Variants in HMCN1 observed in about 807,000 individuals in gnomAD.
The protein encoded by HMCN1 is hemicentin 1.
In HMCN1, 321 loss-of-function variants were observed where a neutral mutation model predicts 625.9. The observed-to-expected ratio is 0.51, with a 90% confidence interval of 0.47 to 0.56. The LOEUF (loss-of-function observed/expected upper bound fraction) is 0.56, where lower values mean the gene tolerates loss of function less well. Among genes scored for constraint, HMCN1 ranks in the 20% least tolerant of loss-of-function variants. The pLI is 0.00. For missense variants in HMCN1, 6,588 were observed against 6,887.3 expected (o/e 0.96, Z 1.54); for synonymous variants, 2,425 against 2,417.6 (o/e 1.00, Z -0.09).
Position 186,061,972 on chromosome 1 carries a change from T to C in HMCN1, c.7426+8T>C, listed in dbSNP as rs761479714. 16 of 1,541,916 alleles carry C rather than the reference T, an allele frequency of 1.0e-5. No homozygotes were observed. Among genetic ancestry groups the C allele is most frequent in the South Asian group, 5.6e-5 (5 of 89,190 alleles). ...TTGGGCTTTCAGTATTAGGTACTTA[T>C]ATAGTTTGCAATATCTAGAAGAAAC... is the stretch of plus-strand genomic sequence containing the variant. On this transcript the variant is annotated splice_region_variant and intron_variant, in intron 47 of 106. Coordinates refer to ENST00000271588, the MANE Select transcript of HMCN1 (RefSeq NM_031935.3).
intron 70 of HMCN1, among the ~76,000 whole-genome samples, chr1:186,107,514 A>G (rs1660665445): frequency 6.6e-6 from 1 of 152,230 alleles, no homozygotes; most frequent in Admixed American, 6.5e-5. Context: ...GCATGTTTAT[A>G]TAGTGTACCT....
At chr1:185,882,221 A>G (rs1219992321) in intron 4 of HMCN1, among the ~76,000 whole-genome samples, 2 of 152,186 alleles carry the variant, frequency 1.3e-5, no homozygotes. Context: ...GACTTTACAG[A>G]TACTCATTGA....
chr1:186,049,850 C>CT (rs1656830103), intron 42 of HMCN1, among the ~76,000 whole-genome samples: 1 of 151,928 alleles, frequency 6.6e-6, no homozygotes, highest in South Asian at 2.1e-4. Context: ...TGAGTATCAT[C>CT]TTTTAAAAAT....
At chr1:185,803,136 C>T (rs985714133) in intron 1 of HMCN1, among the ~76,000 whole-genome samples, 5 of 78,888 alleles carry the variant, frequency 6.3e-5, no homozygotes, top group Admixed American at 5.7e-4. Flanking sequence ...ATAACCTTCA[C>T]AGAAGAAAAA....
At chr1:186,086,556 T>C in intron 58 of HMCN1, 149 bp downstream of exon 58, 1 of 784,666 alleles carries the variant, frequency 1.3e-6, no homozygotes, top group East Asian at 2.7e-5. Context: ...TTGTGGTCAT[T>C]AAGGTAAGAT....
At chr1:186,134,054 A>G (rs961692633) in intron 86 of HMCN1, among the ~76,000 whole-genome samples, 7 of 152,180 alleles carry the variant, frequency 4.6e-5, no homozygotes, top group Non-Finnish European at 1.0e-4. Context: ...AAAAAGCTAC[A>G]TTAGAGCAGC....
Position 185,975,766 on chromosome 1 carries a change from A to T in HMCN1, c.2372-2021A>T, listed in dbSNP as rs566248595. On this transcript the variant is annotated intron_variant, in intron 15 of 106. Transcript: ENST00000271588. ...TTTATTTATAAAAATATATTGTTCA[A>T]TTGTGGTATTTAACCTAATTTAATT... Among the ~76,000 whole-genome samples, 5 of 152,272 alleles carry T rather than the reference A, an allele frequency of 3.3e-5. No homozygotes were observed. In the South Asian group the frequency reaches 1.0e-3, roughly 32 times the overall value.
At chr1:186,160,153 G>A (rs1037412149) in intron 97 of HMCN1, among the ~76,000 whole-genome samples, 2 of 151,356 alleles carry the variant, frequency 1.3e-5, no homozygotes, top group South Asian at 2.1e-4. Flanking sequence ...TCTTGGGAGA[G>A]TGTATGTGTC....
At chr1:185,903,425 G>A (rs1280840930) in intron 4 of HMCN1, among the ~76,000 whole-genome samples, 1 of 151,486 alleles carries the variant, frequency 6.6e-6, no homozygotes, top group East Asian at 1.9e-4. Context: ...TATATAAACT[G>A]AGTAAAATTT....
At position 186,016,243 on chromosome 1, in the gene HMCN1, A is replaced by G. The variant is rs1479029316; in HGVS notation, c.5191+4A>G. The G allele has an allele frequency of 6.2e-7, 1 of 1,611,264 alleles. No homozygotes were observed. Among genetic ancestry groups the G allele is most frequent in the Non-Finnish European group, 8.5e-7 (1 of 1,177,726 alleles). On this transcript the variant is annotated splice_donor_region_variant and intron_variant, in intron 32 of 106. Coordinates refer to ENST00000271588, the MANE Select transcript of HMCN1 (RefSeq NM_031935.3). ...AAATATGAAGTTGATGTCTTGGGTA[A>G]ATAAGGATGCCACTGCCTGGGTTCT...
rs753602684 is a variant in HMCN1 at position 186,129,875 on chromosome 1, A to C, written c.12905-91A>C. On this transcript the variant is annotated intron_variant, in intron 83 of 106. Coordinates refer to ENST00000271588, the MANE Select transcript of HMCN1 (RefSeq NM_031935.3). ...ATCTCTTTGGTTCAATTGCTGACCA[A>C]CTCATAAATCTAATGTGCAAAATAC... The C allele has an allele frequency of 3.3e-6, 5 of 1,496,354 alleles. No homozygotes were observed. In the African/African-American group the frequency reaches 6.9e-5, roughly 21 times the overall value. The allele number at this position is 1,496,354 out of a possible 1,614,324, so 92.7% of individuals were successfully genotyped here. A position where few individuals can be genotyped will look rare whatever the true frequency, so the allele number is the denominator to read the frequency against.
chr1:186,141,421 T>C (rs1317744276), intron 89 of HMCN1, among the ~76,000 whole-genome samples: 2 of 152,226 alleles, frequency 1.3e-5, no homozygotes, highest in Admixed American at 1.3e-4. Flanking sequence ...ACTTCCTTAC[T>C]TTCCGGTGCA....
intron 26 of HMCN1, among the ~76,000 whole-genome samples, chr1:186,000,607 C>A (rs1276047052): frequency 6.9e-6 from 1 of 144,174 alleles, no homozygotes; most frequent in Non-Finnish European, 1.5e-5. Flanking sequence ...ATGTGTCTTC[C>A]CGGAGATATT....
In HMCN1 at chr1:186,120,130, A is replaced by G. The variant is rs1356243862; in HGVS notation, c.12214A>G (p.Lys4072Glu). The G allele has an allele frequency of 1.3e-5, 21 of 1,613,824 alleles. No homozygotes were observed. The highest frequency in any genetic ancestry group is 1.8e-5 in the Non-Finnish European group (21 of 1,179,936). The change falls in exon 80 of 107, where the codon AAG becomes GAG. Residue 4072 changes from lysine to glutamate, a missense_variant. Physicochemically the swap from Lys to Glu is moderately conservative, Grantham distance 56. Around this residue, in one of 3 missense-constraint regions of HMCN1, gnomAD observed 1,954 missense variants for 2,013.1 expected, o/e 0.97. Transcript: ENST00000271588. ...NPAGTALGKI[K>E]LNVQVPPVIS... Reference sequence around the variant, plus strand: ...GGCTGGTACAGCCTTGGGCAAAATCAAGTTAAATGTCCAAGGTACCTAAAT... The same window carrying G: ...GGCTGGTACAGCCTTGGGCAAAATCGAGTTAAATGTCCAAGGTACCTAAAT...
At chr1:186,095,619 G>C in intron 68 of HMCN1, 98 bp downstream of exon 68, 1 of 1,327,232 alleles carries the variant, frequency 7.5e-7, no homozygotes, top group Non-Finnish European at 1.0e-6. Flanking sequence ...TGCTGTGAGA[G>C]AATTTTTTAA....
chr1:186,161,478 T>C (rs1446084056), intron 97 of HMCN1, among the ~76,000 whole-genome samples: 1 of 151,916 alleles, frequency 6.6e-6, no homozygotes, highest in Non-Finnish European at 1.5e-5. Flanking sequence ...GTTAGCTGGT[T>C]ATTTTGCTCG....
intron 4 of HMCN1, among the ~76,000 whole-genome samples, chr1:185,898,060 C>T (rs897289904): frequency 7.2e-5 from 11 of 152,110 alleles, no homozygotes; most frequent in Non-Finnish European, 8.8e-5. Flanking sequence ...TTCTGTTTCA[C>T]GCCTTATTTC....
intron 67 of HMCN1, 107 bp downstream of exon 67, chr1:186,094,480 A>G (rs1660020692): frequency 1.2e-6 from 1 of 816,142 alleles, no homozygotes; most frequent in South Asian, 1.4e-5. Context: ...TGACTTTATC[A>G]AAAAGGATTA....
Position 186,053,961 on chromosome 1 carries a change from G to T in HMCN1, c.6837G>T (p.Lys2279Asn). The change falls in exon 44 of 107, where the codon AAG becomes AAT. Residue 2279 changes from lysine to asparagine, a missense_variant. Lys to Asn is a moderately conservative substitution (Grantham distance 94). Around this residue, in one of 3 missense-constraint regions of HMCN1, gnomAD observed 4,628 missense variants for 4,853.1 expected, o/e 0.95. Transcript: ENST00000271588. ...CGTCGAATGTTGCTGGGACTGCAAA[G>T]AAAGAATACAATCTGCAAGTTTACA... ...CVASNVAGTA[K>N]KEYNLQVYIR... 1 of 1,612,606 alleles carries T rather than the reference G, an allele frequency of 6.2e-7. No homozygotes were observed. The highest frequency in any genetic ancestry group is 1.1e-5 in the South Asian group (1 of 91,074).
Sources: allele counts gnomAD v4.1 joint callset (sites outside exome capture counted in the v4.1 genomes callset), GRCh38; gene constraint gnomAD v4.1.1; regional missense constraint gnomAD v4.1.1; transcripts MANE v1.5; gene names NCBI Gene and HGNC (gene_info 2026-07-23, HGNC 2026-07-21).